EIF2S2: variants seen among roughly 807,000 people sequenced by gnomAD.
The protein encoded by EIF2S2 is eukaryotic translation initiation factor 2 subunit beta.
In EIF2S2, 4 loss-of-function variants were observed where a neutral mutation model predicts 44.0. The observed-to-expected ratio is 0.09, with a 90% CI of 0.04 to 0.21. EIF2S2 has a LOEUF of 0.21. EIF2S2 is among the 10% of genes least tolerant of loss of function. EIF2S2 has a pLI of 1.00. For missense variants in EIF2S2, 154 were observed against 392.0 expected (o/e 0.39, Z 5.13); for synonymous variants, 108 against 128.3 (o/e 0.84, Z 1.07).
chr20:34,105,570 A>C, intron 1 of EIF2S2, 25 bp from the exon 2 acceptor site: 1 of 1,521,136 alleles, frequency 6.6e-7, no homozygotes, highest in Non-Finnish European at 8.8e-7. Context: ...AAAAACAAAA[A>C]GGGACCAAAT....
chr20:34,104,108 T>A (rs938222937), intron 2 of EIF2S2, among the ~76,000 whole-genome samples: 8 of 152,196 alleles, frequency 5.3e-5, no homozygotes, highest in Admixed American at 5.2e-4. Flanking sequence ...TATTTAGTAA[T>A]CTGACCATAT....
chr20:34,098,739 G>T, intron 3 of EIF2S2, 106 bp from the exon 4 acceptor site: 1 of 1,358,238 alleles, frequency 7.4e-7, no homozygotes, highest in Non-Finnish European at 9.8e-7. Context: ...TGTTGCTCAG[G>T]CTAGTCTCAA....
chr20:34,093,734 A>G lies in EIF2S2; in HGVS notation c.684-3T>C. 1 of 1,601,428 alleles carries G rather than the reference A, an allele frequency of 6.2e-7. No individual in the cohort carries two copies. Among genetic ancestry groups the G allele is most frequent in the Non-Finnish European group, 8.5e-7 (1 of 1,172,146 alleles). Reference sequence around the variant, plus strand: ...GATGTTTGGGCTGACGATGTAATCTAAAAAGAAAATCAAAATATATAAACC... The same window carrying G: ...GATGTTTGGGCTGACGATGTAATCTGAAAAGAAAATCAAAATATATAAACC... On this transcript the variant is annotated splice_polypyrimidine_tract_variant and splice_region_variant and intron_variant, in intron 6 of 8. Transcript: ENST00000374980.
At position 34,091,454 on chromosome 20, in the gene EIF2S2, G is replaced by A. The variant is rs569442762; in HGVS notation, c.741-852C>T. On this transcript the variant is annotated intron_variant, in intron 7 of 8. Transcript: ENST00000374980. ...ATTGGGGCCAGGTGTGGTGGCTCAC[G>A]CCTGTAATCCCAGCACTTTGGGAGG... Among the ~76,000 whole-genome samples the A allele has an allele frequency of 8.5e-5, 13 of 152,232 alleles. No homozygotes were observed. The South Asian group carries it at 2.5e-3, about 29-fold the overall frequency.
intron 7 of EIF2S2, among the ~76,000 whole-genome samples, chr20:34,093,264 A>G (rs934176819): frequency 2.0e-5 from 3 of 152,216 alleles, no homozygotes; most frequent in Non-Finnish European, 2.9e-5. Context: ...CCTGGTTTCA[A>G]TGGTTTCTCC....
chr20:34,094,308 T>C (rs2034202486), intron 6 of EIF2S2, among the ~76,000 whole-genome samples: 1 of 152,208 alleles, frequency 6.6e-6, no homozygotes, highest in Non-Finnish European at 1.5e-5. Context: ...GAATAACAAC[T>C]TCCTCTGGGA....
chr20:34,104,826 G>A (rs1328408687), intron 2 of EIF2S2, among the ~76,000 whole-genome samples: 1 of 152,108 alleles, frequency 6.6e-6, no homozygotes, highest in East Asian at 1.9e-4. Flanking sequence ...CTTAGCACAG[G>A]GCAGATGCTC....
intron 3 of EIF2S2, 44 bp from the exon 4 acceptor site, chr20:34,098,677 TC>T: frequency 6.3e-7 from 1 of 1,582,316 alleles, no homozygotes; most frequent in Non-Finnish European, 8.6e-7. Flanking sequence ...CTGGGACTAT[TC>T]TTTTTTATTT....
At chr20:34,092,490 G>A (rs2034177782) in intron 7 of EIF2S2, among the ~76,000 whole-genome samples, 2 of 152,162 alleles carry the variant, frequency 1.3e-5, no homozygotes. Context: ...CTAACACGGT[G>A]AAACCTCGTC....
Position 34,088,697 on chromosome 20 carries a change from C to T in EIF2S2, c.*1033G>A, listed in dbSNP as rs1189901441. On this transcript the variant is annotated 3_prime_UTR_variant, in exon 9 of 9. Coordinates refer to ENST00000374980, the MANE Select transcript of EIF2S2 (RefSeq NM_003908.5). ...AACAAGGCAGATCACAGCACCGACACAGAAGATGGCCTTCTCCCATGTGCC... is the reference window on the plus strand; with the variant it reads ...AACAAGGCAGATCACAGCACCGACATAGAAGATGGCCTTCTCCCATGTGCC... The T allele has an allele frequency of 6.6e-6, 1 of 152,570 alleles. No homozygotes were observed. Among genetic ancestry groups the T allele is most frequent in the Non-Finnish European group, 1.5e-5 (1 of 68,062 alleles). The allele number at this position is 152,570 out of a possible 1,614,324, so 9.5% of individuals were successfully genotyped here. A position where few individuals can be genotyped will look rare whatever the true frequency, so the allele number is the denominator to read the frequency against.
intron 7 of EIF2S2, 75 bp downstream of exon 7, chr20:34,093,600 G>T: frequency 7.7e-7 from 1 of 1,296,050 alleles, no homozygotes; most frequent in Non-Finnish European, 1.1e-6. Flanking sequence ...CTCTAAGTGT[G>T]TTACATATCC....
rs183330257 is a variant in EIF2S2, at chr20:34,107,132, C to T, written c.16-1587G>A. Reference sequence around the variant, plus strand: ...AGTGGAGCTTGCAGTGAGCCGAGATCGTGCCACTGCCCTCCAGCCTGGGTG... The same window carrying T: ...AGTGGAGCTTGCAGTGAGCCGAGATTGTGCCACTGCCCTCCAGCCTGGGTG... On this transcript the variant is annotated intron_variant, in intron 1 of 8. Transcript: ENST00000374980. 4.4e-3 allele frequency among the ~76,000 whole-genome samples: 669 copies of T among 151,910 alleles called. 1 individual carries two copies. The highest frequency in any genetic ancestry group is 7.0e-3 in the Non-Finnish European group (476 of 67,962).
intron 7 of EIF2S2, 99 bp downstream of exon 7, chr20:34,093,576 C>T: frequency 9.4e-7 from 1 of 1,066,708 alleles, no homozygotes. Flanking sequence ...CTCTAATAAT[C>T]AGGTGAACAT....
chr20:34,095,700 ATAC>A (rs1435641258), intron 6 of EIF2S2, among the ~76,000 whole-genome samples: 1 of 152,172 alleles, frequency 6.6e-6, no homozygotes, highest in South Asian at 2.1e-4. Context: ...CAATGAGTAT[ATAC>A]TACTATTGTC....
chr20:34,112,146 G>A lies in EIF2S2; in HGVS notation c.-36C>T, dbSNP rs765312164. On this transcript the variant is annotated 5_prime_UTR_variant, in exon 1 of 9. Transcript: ENST00000374980. ...CGAGTGGGCTCGGCACGGACGGGAA[G>A]TCAGACGGGTCAGCCCCAGGCCCCG... 4.6e-6 allele frequency: 7 copies of A among 1,535,064 alleles called. No homozygotes were observed. The South Asian group carries it at 8.5e-5, about 19-fold the overall frequency.
chr20:34,109,274 T>C (rs2034384072), intron 1 of EIF2S2, among the ~76,000 whole-genome samples: 1 of 152,184 alleles, frequency 6.6e-6, no homozygotes, highest in Non-Finnish European at 1.5e-5. Context: ...TAGTAGCAAG[T>C]AGGCAAGTAT....
chr20:34,090,701 T>C (rs1409795279), intron 7 of EIF2S2, 99 bp from the exon 8 acceptor site: 1 of 655,892 alleles, frequency 1.5e-6, no homozygotes, highest in African/African-American at 1.9e-5. Flanking sequence ...ATATATTCAG[T>C]AGCATAGGAT....
At chr20:34,090,167 T>C (rs1347667423) in intron 8 of EIF2S2, among the ~76,000 whole-genome samples, 1 of 152,236 alleles carries the variant, frequency 6.6e-6, no homozygotes, top group Non-Finnish European at 1.5e-5. Context: ...CGTTTCTGTC[T>C]AGAGGAGAGC....
intron 3 of EIF2S2, among the ~76,000 whole-genome samples, chr20:34,099,954 T>C (rs1290973546): frequency 2.0e-5 from 3 of 152,174 alleles, no homozygotes; most frequent in African/African-American, 4.8e-5. Context: ...ATGTTAGCTC[T>C]CCGAACCCAT....
Sources: gnomAD v4.1 joint callset for allele counts (sites outside exome capture counted in the v4.1 genomes callset) on GRCh38, gnomAD v4.1.1 for gene constraint, MANE v1.5 for transcripts, NCBI Gene and HGNC (gene_info 2026-07-23, HGNC 2026-07-21) for gene names.